CALN1: variants seen among roughly 807,000 people sequenced by gnomAD.
The protein encoded by CALN1 is calcium-binding protein 8.
A neutral mutation model predicts 30.6 loss-of-function variants in CALN1; 17 were observed. The ratio of observed to expected loss-of-function variants is 0.56; its 90% CI spans 0.38 to 0.83. CALN1 has a LOEUF of 0.83. CALN1 is among the 40% of genes least tolerant of loss of function. CALN1 has a pLI of 0.00. For missense variants in CALN1, 291 were observed against 354.9 expected (o/e 0.82, Z 1.45); for synonymous variants, 156 against 131.4 (o/e 1.19, Z -1.28).
At chr7:72,426,102 G>A (rs771265242) in intron 1 of CALN1, among the ~76,000 whole-genome samples, 6 of 152,190 alleles carry the variant, frequency 3.9e-5, no homozygotes, top group East Asian at 1.9e-4. Context: ...ATTGTCTTCC[G>A]GAAAGTGAAG....
intron 1 of CALN1, among the ~76,000 whole-genome samples, chr7:72,432,190 A>G (rs1265745381): frequency 6.6e-6 from 1 of 152,118 alleles, no homozygotes; most frequent in Non-Finnish European, 1.5e-5. Flanking sequence ...GAGTCTCATG[A>G]GACCTGATGG....
intron 5 of CALN1, among the ~76,000 whole-genome samples, chr7:71,948,744 ATAAT>A (rs1255312327): frequency 7.1e-6 from 1 of 140,246 alleles, no homozygotes; most frequent in Non-Finnish European, 1.5e-5. Flanking sequence ...AAAAAAAAAA[ATAAT>A]AATTTGTTTT....
chr7:71,824,639 A>G (rs1191068596), intron 5 of CALN1, among the ~76,000 whole-genome samples: 2 of 152,092 alleles, frequency 1.3e-5, no homozygotes, highest in Non-Finnish European at 2.9e-5. Context: ...TCTCATGTCA[A>G]CTTTCACTGA....
intron 3 of CALN1, among the ~76,000 whole-genome samples, chr7:72,232,493 C>T (rs1229844100): frequency 1.3e-5 from 2 of 152,194 alleles, no homozygotes; most frequent in Non-Finnish European, 2.9e-5. Context: ...CGGAGTCTCA[C>T]TCTGTTGCCC....
At chr7:72,337,338 A>C (rs2129558586) in intron 2 of CALN1, 5 of 948,514 alleles carry the variant, frequency 5.3e-6, no homozygotes, top group Non-Finnish European at 5.0e-6. Flanking sequence ...CCACCCCCCA[A>C]CCTCCGCCTC....
At chr7:72,078,268 C>T (rs1335704250) in intron 4 of CALN1, among the ~76,000 whole-genome samples, 3 of 151,940 alleles carry the variant, frequency 2.0e-5, no homozygotes, top group Admixed American at 6.6e-5. Context: ...GCAGCTACCC[C>T]GAGAAGGGAA....
chr7:72,023,789 A>G lies in CALN1; in HGVS notation c.389-20T>C. ...CATCCCCTGCAAGGAGAAGATGTAA[A>G]TATGAGTTGCAAACAAGCTGAACTT... is the stretch of plus-strand genomic sequence containing the variant. On this transcript the variant is annotated intron_variant, in intron 4 of 6. Transcript: ENST00000395275. 1 of 1,596,272 alleles carries G rather than the reference A, an allele frequency of 6.3e-7. No individual in the cohort carries two copies. The highest frequency in any genetic ancestry group is 1.1e-5 in the South Asian group (1 of 90,558).
intron 2 of CALN1, among the ~76,000 whole-genome samples, chr7:72,355,157 C>T (rs566021253): frequency 6.6e-6 from 1 of 152,290 alleles, no homozygotes; most frequent in South Asian, 2.1e-4. Context: ...ATCCGCCCAC[C>T]TCGGTCTCCC....
At chr7:71,902,260 CCAACCAAT>C (rs202072479) in intron 5 of CALN1, among the ~76,000 whole-genome samples, 30,363 of 144,344 alleles carry the variant, frequency 0.21, 3,474 homozygotes, top group African/African-American at 0.32. Context: ...AACCAACCAA[CCAACCAAT>C]CAAAAAAAAA....
intron 2 of CALN1, among the ~76,000 whole-genome samples, chr7:72,396,234 C>CAAAAAAAAAA: frequency 7.1e-5 from 2 of 28,354 alleles, no homozygotes; most frequent in Non-Finnish European, 1.1e-4. Flanking sequence ...CTTGTCTCTA[C>CAAAAAAAAAA]TAAAAAAAAA....
the CALN1 span, among the ~76,000 whole-genome samples, chr7:72,484,888 T>C: frequency 6.6e-6 from 1 of 152,202 alleles, no homozygotes; most frequent in Admixed American, 6.5e-5. Flanking sequence ...CTGTTTTTTA[T>C]TGTTTTTTAT....
intron 1 of CALN1, among the ~76,000 whole-genome samples, chr7:72,411,258 G>A (rs1488488001): frequency 6.6e-6 from 1 of 152,158 alleles, no homozygotes; most frequent in East Asian, 1.9e-4. Flanking sequence ...CTTAACTACA[G>A]AGAAAACCGT....
chr7:72,413,083 G>C (rs183160738), upstream of CALN1, among the ~76,000 whole-genome samples: 1 of 152,250 alleles, frequency 6.6e-6, no homozygotes, highest in African/African-American at 2.4e-5. Flanking sequence ...CGCCCTGGCA[G>C]AGATCACAGA....
intron 5 of CALN1, among the ~76,000 whole-genome samples, chr7:71,935,400 C>A (rs1230179786): frequency 6.6e-6 from 1 of 152,146 alleles, no homozygotes; most frequent in Non-Finnish European, 1.5e-5. Context: ...AGACTGTCTG[C>A]AGAGTGAATT....
intron 3 of CALN1, among the ~76,000 whole-genome samples, chr7:72,264,867 G>GAACAA (rs1796507393): frequency 6.6e-6 from 1 of 152,110 alleles, no homozygotes; most frequent in Non-Finnish European, 1.5e-5. Flanking sequence ...GCCCCAGTGT[G>GAACAA]TATTGTTCCC....
At chr7:72,463,442 C>G in the CALN1 span, among the ~76,000 whole-genome samples, 1 of 152,188 alleles carries the variant, frequency 6.6e-6, no homozygotes, top group Non-Finnish European at 1.5e-5. Flanking sequence ...CACACATGGC[C>G]TGGTTTGCAT....
At chr7:72,051,164 CAAAT>C (rs965046927) in intron 4 of CALN1, among the ~76,000 whole-genome samples, 2 of 151,616 alleles carry the variant, frequency 1.3e-5, no homozygotes, top group Non-Finnish European at 2.9e-5. Flanking sequence ...GGGAAATTCA[CAAAT>C]AGATATGATA....
chr7:72,017,454 C>G (rs1800461491), intron 5 of CALN1, among the ~76,000 whole-genome samples: 2 of 152,116 alleles, frequency 1.3e-5, no homozygotes, highest in Non-Finnish European at 2.9e-5. Flanking sequence ...GGAACGAGTA[C>G]CCTATGCACT....
At chr7:72,408,586 C>G (rs13247917) in intron 1 of CALN1, among the ~76,000 whole-genome samples, 5 of 151,130 alleles carry the variant, frequency 3.3e-5, no homozygotes, top group Non-Finnish European at 7.4e-5. Context: ...TGTATAAATT[C>G]ATGGGATACA....
Sources: gnomAD v4.1 joint callset for allele counts (sites outside exome capture counted in the v4.1 genomes callset) on GRCh38, gnomAD v4.1.1 for gene constraint, MANE v1.5 for transcripts, NCBI Gene and HGNC (gene_info 2026-07-23, HGNC 2026-07-21) for gene names.